The following MSH6 variants were observed in gnomAD, a reference collection of about 807,000 sequenced individuals.
MSH6 encodes DNA mismatch repair protein Msh6.
Under a neutral mutation model 119.1 loss-of-function variants are expected in MSH6, and 85 were observed. The ratio of observed to expected loss-of-function variants is 0.71; its 90% CI spans 0.60 to 0.85. The LOEUF is 0.85. Among genes scored for constraint, MSH6 ranks in the 40% least tolerant of loss-of-function variants. The probability of loss-of-function intolerance (pLI) is 0.00; values close to 1 mark genes in which losing one functional copy is unlikely to be tolerated. For synonymous variants in MSH6, 830 were observed against 586.9 expected, an observed-to-expected ratio of 1.41 and a Z score of -5.99; for missense variants, 2,163 against 1,655.3, an observed-to-expected ratio of 1.31 and a Z score of -5.32.
chr2:47,783,528 A>G (rs1199593410), intron 1 of MSH6, 35 bp downstream of exon 1: 4 of 1,403,666 alleles, frequency 2.8e-6, no homozygotes, highest in Non-Finnish European at 3.7e-6. Context: ...AGGCGGGGGC[A>G]TAGCGGCGGG....
downstream of MSH6, chr2:47,808,442 C>T (rs1670375302): frequency 6.4e-7 from 1 of 1,563,190 alleles, no homozygotes; most frequent in Non-Finnish European, 8.6e-7. Flanking sequence ...AAAGCAAAAG[C>T]TTAAATTACT....
intron 1 of MSH6, among the ~76,000 whole-genome samples, chr2:47,786,873 C>A (rs1668382028): frequency 6.6e-6 from 1 of 151,956 alleles, no homozygotes; most frequent in Non-Finnish European, 1.5e-5. Context: ...TGCTCTCAAG[C>A]GATCCTCCCA....
rs1553333205 is a variant in MSH6, at chr2:47,806,365, G to C, written c.3801+7G>C. The stretch of plus-strand genomic sequence containing the variant: ...TGTGCGCCTAGGACATATGGTATGT[G>C]CAAATTGTTTTTTTCCACAAATTCG... On this transcript the variant is annotated splice_region_variant and intron_variant, in intron 8 of 9. Coordinates refer to ENST00000234420, the MANE Select transcript of MSH6 (RefSeq NM_000179.3). 3.1e-6 allele frequency: 5 copies of C among 1,614,068 alleles called. No individual in the cohort carries two copies. Among genetic ancestry groups the C allele is most frequent in the Non-Finnish European group, 4.2e-6 (5 of 1,179,972 alleles).
At chr2:47,808,071 T>C, downstream of MSH6, 2 of 1,520,890 alleles carry the variant, frequency 1.3e-6, no homozygotes, top group South Asian at 1.2e-5. Flanking sequence ...AAAAGTGTTT[T>C]AAGTTATGAT....
chr2:47,798,923 A>C lies in MSH6; in HGVS notation c.940A>C (p.Ser314Arg), dbSNP rs1553412366. The C allele has an allele frequency of 6.2e-7, 1 of 1,614,172 alleles. No individual in the cohort carries two copies. Among genetic ancestry groups the C allele is most frequent in the Non-Finnish European group, 8.5e-7 (1 of 1,180,026 alleles). Residue 314 changes from serine to arginine, a missense_variant, in exon 4 of 10, where the codon AGC becomes CGC. Transcript: ENST00000234420. ...VTGNGSLKRK[S>R]SRKETPSATK... Reference sequence around the variant, plus strand: ...TGGAAATGGCTCTCTTAAAAGGAAAAGCTCTAGGAAGGAAACGCCCTCAGC... The same window carrying C: ...TGGAAATGGCTCTCTTAAAAGGAAACGCTCTAGGAAGGAAACGCCCTCAGC...
At position 47,799,123 on chromosome 2, in the gene MSH6, T is replaced by G. The variant is rs1553412534; in HGVS notation, c.1140T>G (p.Asp380Glu). 6.2e-7 allele frequency: 1 copy of G among 1,614,134 alleles called. No individual in the cohort carries two copies. Among genetic ancestry groups the G allele is most frequent in the Non-Finnish European group, 8.5e-7 (1 of 1,180,006 alleles). ...LEWLKEEKRR[D>E]EHRRRPDHPD... ...GGCTTAAGGAGGAAAAGAGAAGAGA[T>G]GAGCACAGGAGGAGGCCTGATCACC... Residue 380 changes from aspartate to glutamate, a missense_variant, in exon 4 of 10, where the codon GAT (aspartate) becomes GAG (glutamate). Physicochemically the swap from Asp to Glu is conservative, Grantham distance 45. Transcript: ENST00000234420.
chr2:47,808,735 A>G (rs111933507), downstream of MSH6: 1,041 of 326,440 alleles, frequency 3.2e-3, 7 homozygotes, highest in African/African-American at 0.021. Context: ...AAACTGTCAC[A>G]GTGACTGGGA....
intron 2 of MSH6, 35 bp downstream of exon 2, chr2:47,791,158 G>C (rs2104114930): frequency 1.3e-6 from 2 of 1,491,004 alleles, no homozygotes; most frequent in South Asian, 1.2e-5. Flanking sequence ...GTGTGTTTGT[G>C]TGTGTGTGTG....
downstream of MSH6, chr2:47,809,118 G>A (rs375469915): frequency 7.8e-7 from 1 of 1,278,862 alleles, no homozygotes; most frequent in South Asian, 1.3e-5. Flanking sequence ...AAGGAAATCA[G>A]TCTTCCTCTT....
Position 47,803,575 on chromosome 2 carries a change from C to T in MSH6, c.3328C>T (p.Pro1110Ser), listed in dbSNP as rs374070511. ...TKTFFGDDFI[P>S]NDILIGCEEE... ...GACTTTTTTTGGAGATGATTTTATT[C>T]CTAATGACATTCTAATAGGCTGTGA... Residue 1110 changes from proline (P) to serine (S), a missense_variant, in exon 5 of 10, where the codon CCT (proline) becomes TCT (serine). Physicochemically the swap from Pro to Ser is moderately conservative, Grantham distance 74. Coordinates refer to ENST00000234420, the MANE Select transcript of MSH6 (RefSeq NM_000179.3). 7 of 1,613,954 alleles carry T rather than the reference C, an allele frequency of 4.3e-6. No individual in the cohort carries two copies. Among genetic ancestry groups the T allele is most frequent in the African/African-American group, 2.7e-5 (2 of 74,884 alleles).
In MSH6 at chr2:47,791,459, G is replaced by A. The variant is rs190310309; in HGVS notation, c.457+336G>A. ...TCAGGATACATAGCCTATAGATAGC[G>A]ACATTCTCTAGGGAAAGATGGAGAT... On this transcript the variant is annotated intron_variant, in intron 2 of 9. Coordinates refer to ENST00000234420, the MANE Select transcript of MSH6 (RefSeq NM_000179.3). 1.7e-4 allele frequency among the ~76,000 whole-genome samples: 26 copies of A among 152,156 alleles called. No individual in the cohort carries two copies. The East Asian group carries it at 3.7e-3, about 22-fold the overall frequency.
In MSH6 at chr2:47,803,576, C is replaced by G. The variant is rs1270167314; in HGVS notation, c.3329C>G (p.Pro1110Arg). ...TKTFFGDDFI[P>R]NDILIGCEEE... ...ACTTTTTTTGGAGATGATTTTATTC[C>G]TAATGACATTCTAATAGGCTGTGAG... The change falls in exon 5 of 10, where the codon CCT (proline) becomes CGT (arginine). Residue 1110 changes from proline to arginine, a missense_variant. Physicochemically the swap from Pro to Arg is moderately radical, Grantham distance 103 (BLOSUM62 -2). Coordinates refer to ENST00000234420, the MANE Select transcript of MSH6 (RefSeq NM_000179.3). The G allele has an allele frequency of 6.2e-7, 1 of 1,613,986 alleles. No individual in the cohort carries two copies. Among genetic ancestry groups the G allele is most frequent in the Admixed American group, 1.7e-5 (1 of 59,964 alleles).
chr2:47,795,423 T>C (rs1463195300), intron 2 of MSH6, among the ~76,000 whole-genome samples: 1 of 36,726 alleles, frequency 2.7e-5, no homozygotes, highest in Non-Finnish European at 8.0e-5. Context: ...AGTTATTTTA[T>C]GTGTGTGTGT....
intron 2 of MSH6, among the ~76,000 whole-genome samples, chr2:47,792,852 T>G (rs923344773): frequency 2.1e-5 from 3 of 142,896 alleles, no homozygotes; most frequent in African/African-American, 8.6e-5. Flanking sequence ...TATAGTTTTT[T>G]TTTTTTTTTT....
chr2:47,784,031 T>C, intron 1 of MSH6: 1 of 1,017,728 alleles, frequency 9.8e-7, no homozygotes, highest in Non-Finnish European at 1.2e-6. Flanking sequence ...CAGTAGTCGA[T>C]CGAGGTAGAC....
Position 47,799,712 on chromosome 2 carries a change from C to T in MSH6, c.1729C>T (p.Arg577Cys), listed in dbSNP as rs542838372. 4.4e-5 allele frequency: 71 copies of T among 1,614,024 alleles called. No individual in the cohort carries two copies. The highest frequency in any genetic ancestry group is 1.6e-4 in the Middle Eastern group (1 of 6,084). Residue 577 changes from arginine (R) to cysteine (C), a missense_variant, in exon 4 of 10, where the codon CGC (arginine) becomes TGC (cysteine). Transcript: ENST00000234420. Reference sequence around the variant, plus strand: ...TTTCATAGGTCAGTTTTCAGATGATCGCCATTGTTCGAGATTTAGGACTCT... The same window carrying T: ...TTTCATAGGTCAGTTTTCAGATGATTGCCATTGTTCGAGATTTAGGACTCT... ...KFFIGQFSDD[R>C]HCSRFRTLVA...
At chr2:47,783,735 C>G in intron 1 of MSH6, 1 of 421,082 alleles carries the variant, frequency 2.4e-6, no homozygotes, top group Non-Finnish European at 3.8e-6. Flanking sequence ...AGGGGAGACG[C>G]GGAGAGTTCG....
rs786202480 is a variant in MSH6 at position 47,803,628 on chromosome 2, C to A, written c.3381C>A (p.Ala1127=). 1 of 1,614,136 alleles carries A rather than the reference C, an allele frequency of 6.2e-7. No homozygotes were observed. Among genetic ancestry groups the A allele is most frequent in the African/African-American group, 1.3e-5 (1 of 75,030 alleles). ...CEEEEQENGK[A]YCVLVTGPNM... Reference sequence around the variant, plus strand: ...AAGAGGAGCAGGAAAATGGCAAAGCCTATTGTGTGCTTGTTACTGGACCAA... The same window carrying A: ...AAGAGGAGCAGGAAAATGGCAAAGCATATTGTGTGCTTGTTACTGGACCAA... Residue 1127 remains alanine (A), a synonymous_variant, in exon 5 of 10, where the codon GCC becomes GCA. Coordinates refer to ENST00000234420, the MANE Select transcript of MSH6 (RefSeq NM_000179.3).
chr2:47,806,664 C>CTATAATGGAATT lies in MSH6; in HGVS notation c.4001+14_4001+25dup. The CTATAATGGAATT allele has an allele frequency of 6.2e-7, 1 of 1,600,604 alleles. No individual in the cohort carries two copies. Among genetic ancestry groups the CTATAATGGAATT allele is most frequent in the Non-Finnish European group, 8.5e-7 (1 of 1,173,402 alleles). On this transcript the variant is annotated intron_variant, in intron 9 of 9. Transcript: ENST00000234420. Reference sequence around the variant, plus strand: ...TACGATTATTTCGGTAACTAACTAACTATAATGGAATTATAACTAACTGAC... The same window carrying CTATAATGGAATT: ...TACGATTATTTCGGTAACTAACTAACTATAATGGAATTTATAATGGAATTATAACTAACTGAC...
Sources: gnomAD v4.1 joint callset for allele counts (sites outside exome capture counted in the v4.1 genomes callset) on GRCh38, gnomAD v4.1.1 for gene constraint, MANE v1.5 for transcripts, NCBI Gene and HGNC (gene_info 2026-07-23, HGNC 2026-07-21) for gene names.